The following MMP12 variants were observed in gnomAD, a reference collection of about 807,000 sequenced individuals.
The protein encoded by MMP12 is matrix metallopeptidase 12, also known as macrophage metalloelastase.
Under a neutral mutation model 45.2 loss-of-function variants are expected in MMP12, and 51 were observed. The ratio of observed to expected loss-of-function variants is 1.13; its 90% CI spans 0.90 to 1.42. The LOEUF (loss-of-function observed/expected upper bound fraction) is 1.42, where lower values mean the gene tolerates loss of function less well. Among genes scored for constraint, MMP12 ranks in the 40% most tolerant of loss-of-function variants. The probability of loss-of-function intolerance (pLI) is 0.00; values close to 1 mark genes in which losing one functional copy is unlikely to be tolerated. For synonymous variants in MMP12, 210 were observed against 193.3 expected (o/e 1.09, Z -0.72); for missense variants, 530 against 570.8 (o/e 0.93, Z 0.73).
chr11:102,872,901 C>T lies in MMP12; in HGVS notation c.314G>A (p.Gly105Glu). ...PDVHHFREMP[G>E]GPVWRKHYIT... is the part of the protein sequence containing the mutation. The stretch of plus-strand genomic sequence containing the variant: ...ATAATGTTTCCTCCATACGGGCCCC[C>T]CTGGCATTTCCCTGAAATGATGGAC... Residue 105 changes from glycine to glutamate, a missense_variant, in exon 2 of 10, where the codon GGG (glycine) becomes GAG (glutamate). Transcript: ENST00000571244. 2.5e-6 allele frequency: 4 copies of T among 1,613,810 alleles called. No individual in the cohort carries two copies. The highest frequency in any genetic ancestry group is 1.7e-4 in the Middle Eastern group (1 of 6,060).
Position 102,862,945 on chromosome 11 carries a change from AT to A in MMP12, c.*154del. The A allele has an allele frequency of 4.3e-6, 2 of 460,158 alleles. No homozygotes were observed. Among genetic ancestry groups the A allele is most frequent in the Admixed American group, 8.5e-5 (2 of 23,612 alleles). The allele number at this position is 460,158 out of a possible 1,614,324, so 28.5% of individuals were successfully genotyped here. A position where few individuals can be genotyped will look rare whatever the true frequency, so the allele number is the denominator to read the frequency against. On this transcript the variant is annotated 3_prime_UTR_variant, in exon 10 of 10. Coordinates refer to ENST00000571244, the MANE Select transcript of MMP12 (RefSeq NM_002426.6). ...CAATTAGAGTTTTCAAAATTGAAAA[AT>A]ATTATGTATTTTATATAATCATTAC...
chr11:102,863,235 C>T (rs201552823), intron 9 of MMP12, 35 bp from the exon 10 acceptor site: 2 of 1,132,152 alleles, frequency 1.8e-6, no homozygotes, highest in African/African-American at 3.1e-5. Flanking sequence ...GTTTAATTCC[C>T]TCCCTGTATT....
intron 8 of MMP12, among the ~76,000 whole-genome samples, chr11:102,864,788 G>T (rs781855099): frequency 2.6e-5 from 4 of 152,164 alleles, no homozygotes; most frequent in Non-Finnish European, 4.4e-5. Context: ...AAAGAGCTTT[G>T]TGTCTCTCTA....
In MMP12 at chr11:102,866,315, C is replaced by T. The variant is rs200032683; in HGVS notation, c.1045G>A (p.Asp349Asn). ...TGGCAAAACTAAAGATTAGAATTAC[C>T]TTTAAAAAGAAAAACTTGATTTCTG... ...EARNQVFLFK[D>N]DKYWLISNLR... Residue 349 changes from aspartate (D) to asparagine (N), a missense_variant and splice_region_variant, in exon 7 of 10, where the codon GAT becomes AAT. Coordinates refer to ENST00000571244, the MANE Select transcript of MMP12 (RefSeq NM_002426.6). The T allele has an allele frequency of 1.3e-6, 2 of 1,571,778 alleles. No individual in the cohort carries two copies. Among genetic ancestry groups the T allele is most frequent in the Non-Finnish European group, 1.7e-6 (2 of 1,158,772 alleles).
chr11:102,864,385 C>G (rs1192261756), intron 8 of MMP12, 133 bp from the exon 9 acceptor site: 1 of 638,480 alleles, frequency 1.6e-6, no homozygotes. Flanking sequence ...AACCAAGGAC[C>G]TAAACAGTTC....
Position 102,865,785 on chromosome 11 carries a change from T to C in MMP12, c.1196A>G (p.Gln399Arg), listed in dbSNP as rs782683379. 1 of 1,610,112 alleles carries C rather than the reference T, an allele frequency of 6.2e-7. No individual in the cohort carries two copies. Among genetic ancestry groups the C allele is most frequent in the African/African-American group, 1.3e-5 (1 of 74,858 alleles). Residue 399 changes from glutamine to arginine, a missense_variant, in exon 8 of 10, where the codon CAG becomes CGG. Coordinates refer to ENST00000571244, the MANE Select transcript of MMP12 (RefSeq NM_002426.6). This position sits in a 1 kb window ranked among gnomAD's most constrained non-coding sequence, Gnocchi z 4.1. Reference sequence around the variant, plus strand: ...AACCATTAAAACTCACCTCCAATACTGGTTATCTACAAAGAAGTAGGTCCT... The same window carrying C: ...AACCATTAAAACTCACCTCCAATACCGGTTATCTACAAAGAAGTAGGTCCT... ...FYRTYFFVDN[Q>R]YWRYDERRQM...
rs1859367485 is a variant in MMP12 at position 102,865,456 on chromosome 11, G to T, written c.1205+320C>A. Among the ~76,000 whole-genome samples the T allele has an allele frequency of 1.3e-5, 2 of 152,234 alleles. No homozygotes were observed. The highest frequency in any genetic ancestry group is 1.3e-4 in the Admixed American group (2 of 15,294). On this transcript the variant is annotated intron_variant, in intron 8 of 9. Coordinates refer to ENST00000571244, the MANE Select transcript of MMP12 (RefSeq NM_002426.6). This position sits in a 1 kb window ranked among gnomAD's most constrained non-coding sequence, Gnocchi z 4.1. ...CTGGAAATCCATAACCCTCGAAACT[G>T]ACTGTAGATTAAATACTTGGTCTTG...
In MMP12 at chr11:102,871,683, C is replaced by T. The variant is rs782698067; in HGVS notation, c.536G>A (p.Gly179Glu). Reference sequence around the variant, plus strand: ...AGGTCCAAAAGCATGGGCTAGGATTCCACCTTTGCCATCAAAAGCATGGAA... The same window carrying T: ...AGGTCCAAAAGCATGGGCTAGGATTTCACCTTTGCCATCAAAAGCATGGAA... The part of the protein sequence containing the change: ...GDFHAFDGKG[G>E]ILAHAFGPGS... The change falls in exon 4 of 10, where the codon GGA becomes GAA. Residue 179 changes from glycine to glutamate, a missense_variant. Transcript: ENST00000571244. The T allele has an allele frequency of 9.3e-6, 15 of 1,605,672 alleles. No homozygotes were observed. Among genetic ancestry groups the T allele is most frequent in the Non-Finnish European group, 1.3e-5 (15 of 1,175,654 alleles).
At position 102,867,335 on chromosome 11, in the gene MMP12, A is replaced by C. The variant is rs1859408926; in HGVS notation, c.846T>G (p.Cys282Trp). 1 of 1,611,414 alleles carries C rather than the reference A, an allele frequency of 6.2e-7. No homozygotes were observed. The highest frequency in any genetic ancestry group is 8.5e-7 in the Non-Finnish European group (1 of 1,178,712). Residue 282 changes from cysteine to tryptophan, a missense_variant, in exon 6 of 10, where the codon TGT (cysteine) becomes TGG (tryptophan). Transcript: ENST00000571244. ...CAGCATCAAAACTCAAATTGGGGTC[A>C]CAGAGAGCTGGTTCTGAATTGTCAG... is the stretch of plus-strand genomic sequence containing the variant. ...PNPDNSEPAL[C>W]DPNLSFDAVT...
chr11:102,867,377 G>T lies in MMP12; in HGVS notation c.804C>A (p.Asn268Lys), dbSNP rs199899962. The change falls in exon 6 of 10, where the codon AAC becomes AAA. Residue 268 changes from asparagine to lysine, a missense_variant. Asn to Lys is a moderately conservative substitution (Grantham distance 94, BLOSUM62 0). Coordinates refer to ENST00000571244, the MANE Select transcript of MMP12 (RefSeq NM_002426.6). Reference protein sequence around the residue: ...IQSLYGDPKENQRLPNPDNSE... With the variant: ...IQSLYGDPKEKQRLPNPDNSE... ...AATTGTCAGGATTTGGCAAGCGTTG[G>T]TTCTCTTTTGGGTCTCCTGAAAATA... 10 of 1,609,708 alleles carry T rather than the reference G, an allele frequency of 6.2e-6. No individual in the cohort carries two copies. Among genetic ancestry groups the T allele is most frequent in the Non-Finnish European group, 7.6e-6 (9 of 1,178,322 alleles).
At chr11:102,864,089 G>T in intron 9 of MMP12, 57 bp downstream of exon 9, 2 of 1,293,590 alleles carry the variant, frequency 1.5e-6, no homozygotes, top group Non-Finnish European at 2.2e-6. Context: ...AATCTTAGAG[G>T]ATTTATAGCT....
rs1555008211 is a variant in MMP12 at position 102,864,264 on chromosome 11, A to T, written c.1206-12T>A. On this transcript the variant is annotated splice_polypyrimidine_tract_variant and intron_variant, in intron 8 of 9. Coordinates refer to ENST00000571244, the MANE Select transcript of MMP12 (RefSeq NM_002426.6). Reference sequence around the variant, plus strand: ...TCCTTTCATCATACCTGAGCAAAGAAGTAACCAGCAGGAACTCAATCAGAA... The same window carrying T: ...TCCTTTCATCATACCTGAGCAAAGATGTAACCAGCAGGAACTCAATCAGAA... 1.9e-6 allele frequency: 3 copies of T among 1,577,680 alleles called. No individual in the cohort carries two copies. Among genetic ancestry groups the T allele is most frequent in the Non-Finnish European group, 2.6e-6 (3 of 1,147,564 alleles).
intron 2 of MMP12, among the ~76,000 whole-genome samples, chr11:102,872,620 C>T (rs1225691875): frequency 2.6e-5 from 4 of 152,162 alleles, no homozygotes; most frequent in Non-Finnish European, 4.4e-5. Context: ...GGATTACAGG[C>T]GTGAGCCACC....
chr11:102,873,150 C>T lies in MMP12; in HGVS notation c.103-38G>A, dbSNP rs150120347. On this transcript the variant is annotated intron_variant, in intron 1 of 9. Transcript: ENST00000571244. ...ATACATTCAGCAATGTGTAAGTACACACAGAAAATTTCTGTTGGGAGCTCC... is the reference window on the plus strand; with the variant it reads ...ATACATTCAGCAATGTGTAAGTACATACAGAAAATTTCTGTTGGGAGCTCC... 1.5e-4 allele frequency: 242 copies of T among 1,583,922 alleles called. 1 individual carries two copies. In the African/African-American group the frequency reaches 1.9e-3, roughly 13 times the overall value.
In MMP12 at chr11:102,871,981, G is replaced by A. The variant is rs539848415; in HGVS notation, c.351-29C>T. ...TATCAGCAAAAAGAGAGAGAAAAAT[G>A]TATGGAAGGCAGTGTTATTTTGTCT... On this transcript the variant is annotated intron_variant, in intron 2 of 9. Transcript: ENST00000571244. 5 of 1,581,018 alleles carry A rather than the reference G, an allele frequency of 3.2e-6. No homozygotes were observed. In the South Asian group the frequency reaches 4.7e-5, roughly 15 times the overall value.
At chr11:102,874,352 C>T (rs941792049) in intron 1 of MMP12, among the ~76,000 whole-genome samples, 2 of 151,994 alleles carry the variant, frequency 1.3e-5, no homozygotes, top group Admixed American at 1.3e-4. Context: ...TACAGACGAG[C>T]CTGGGCAACA....
chr11:102,865,988 G>T lies in MMP12; in HGVS notation c.1046-53C>A. On this transcript the variant is annotated intron_variant, in intron 7 of 9. Coordinates refer to ENST00000571244, the MANE Select transcript of MMP12 (RefSeq NM_002426.6). This position sits in a 1 kb window ranked among gnomAD's most constrained non-coding sequence, Gnocchi z 4.1. ...TTGAATTATACAGGAAGAGTAATAA[G>T]AAAATATTGATTTACTATAAACAAC... 1.5e-6 allele frequency: 2 copies of T among 1,349,780 alleles called. No homozygotes were observed. Among genetic ancestry groups the T allele is most frequent in the South Asian group, 2.7e-5 (2 of 74,122 alleles). The allele number at this position is 1,349,780 out of a possible 1,614,324, so 83.6% of individuals were successfully genotyped here. A position where few individuals can be genotyped will look rare whatever the true frequency, so the allele number is the denominator to read the frequency against.
rs201937186 is a variant in MMP12, at chr11:102,871,703, A to G, written c.516T>C (p.His172=). 3.7e-6 allele frequency: 6 copies of G among 1,610,390 alleles called. No individual in the cohort carries two copies. The highest frequency in any genetic ancestry group is 4.2e-6 in the Non-Finnish European group (5 of 1,178,186). The change falls in exon 4 of 10, where the codon CAT becomes CAC. Residue 172 remains histidine (H), a synonymous_variant. Coordinates refer to ENST00000571244, the MANE Select transcript of MMP12 (RefSeq NM_002426.6). ...VFARGAHGDF[H]AFDGKGGILA... is the part of the protein sequence containing the mutation. ...GGATTCCACCTTTGCCATCAAAAGCATGGAAGTCTCCATGAGCTTTTGGAA... is the reference window on the plus strand; with the variant it reads ...GGATTCCACCTTTGCCATCAAAAGCGTGGAAGTCTCCATGAGCTTTTGGAA...
At chr11:102,874,042 A>G (rs1260951342) in intron 1 of MMP12, among the ~76,000 whole-genome samples, 2 of 151,400 alleles carry the variant, frequency 1.3e-5, no homozygotes, top group South Asian at 2.1e-4. Flanking sequence ...AAAAAAAAAA[A>G]AAAGAAAAAG....
Sources: gnomAD v4.1 joint callset for allele counts (sites outside exome capture counted in the v4.1 genomes callset) on GRCh38, gnomAD v4.1.1 for gene constraint, Gnocchi (gnomAD v3.1) non-coding constraint, MANE v1.5 for transcripts, NCBI Gene and HGNC (gene_info 2026-07-23, HGNC 2026-07-21) for gene names.